Variants in SBNO2 observed in about 807,000 individuals in gnomAD.
The protein encoded by SBNO2 is strawberry notch homolog 2.
Under a neutral mutation model 146.3 loss-of-function variants are expected in SBNO2, and 89 were observed. The ratio of observed to expected loss-of-function variants is 0.61; its 90% CI spans 0.51 to 0.73. The LOEUF is 0.73. Among genes scored for constraint, SBNO2 ranks in the 30% least tolerant of loss-of-function variants. The pLI is 0.00. For synonymous variants in SBNO2, 1,147 were observed against 892.6 expected (o/e 1.29, Z -5.08); for missense variants, 2,092 against 2,003.7 (o/e 1.04, Z -0.84).
In SBNO2 at chr19:1,114,305, T is replaced by G. The variant is rs768214559; in HGVS notation, c.2003A>C (p.Asn668Thr). The change falls in exon 18 of 32, where the codon AAC becomes ACC. Residue 668 changes from asparagine (N) to threonine (T), a missense_variant. Physicochemically the swap from Asn to Thr is moderately conservative, Grantham distance 65. Transcript: ENST00000361757. ...ATCCACCAGGGACTCGGGGGAGGAGTTGAAGTCGCTGTCCAGGCCAGGGTC... is the reference window on the plus strand; with the variant it reads ...ATCCACCAGGGACTCGGGGGAGGAGGTGAAGTCGCTGTCCAGGCCAGGGTC... ...ESDPGLDSDF[N>T]SSPESLVDDD... 101 of 1,552,600 alleles carry G rather than the reference T, an allele frequency of 6.5e-5. No individual in the cohort carries two copies. The highest frequency in any genetic ancestry group is 8.6e-5 in the Non-Finnish European group (99 of 1,148,432).
chr19:1,112,640 T>A lies in SBNO2; in HGVS notation c.2380-103A>T. On this transcript the variant is annotated intron_variant, in intron 20 of 31. Transcript: ENST00000361757. This position sits in a 1 kb window ranked among gnomAD's most constrained non-coding sequence, Gnocchi z 5.9. ...GCCCCCGCTCCAGGTCACCAGGACGTCCCGGGGCAGCGAGAGGCCTGCGGG... is the reference window on the plus strand; with the variant it reads ...GCCCCCGCTCCAGGTCACCAGGACGACCCGGGGCAGCGAGAGGCCTGCGGG... 1 of 1,458,722 alleles carries A rather than the reference T, an allele frequency of 6.9e-7. No homozygotes were observed. Among genetic ancestry groups the A allele is most frequent in the East Asian group, 2.5e-5 (1 of 40,228 alleles). 90.4% of individuals were successfully genotyped at this position (1,458,722 alleles called of 1,614,324 possible).
intron 4 of SBNO2, among the ~76,000 whole-genome samples, chr19:1,143,997 G>A (rs2080163315): frequency 6.6e-6 from 1 of 152,244 alleles, no homozygotes; most frequent in Non-Finnish European, 1.5e-5. Context: ...TCTGAGTCGG[G>A]AGCAGAGGCT....
rs79829474 is a variant in SBNO2 at position 1,140,433 on chromosome 19, T to A, written c.279+6876A>T. Among the ~76,000 whole-genome samples the A allele has an allele frequency of 6.6e-6, 1 of 152,068 alleles. No homozygotes were observed. The highest frequency in any genetic ancestry group is 1.5e-5 in the Non-Finnish European group (1 of 68,018). On this transcript the variant is annotated intron_variant, in intron 4 of 31. Coordinates refer to ENST00000361757, the MANE Select transcript of SBNO2 (RefSeq NM_014963.3). The surrounding 1 kb of genome is among the most constrained non-coding windows in gnomAD (Gnocchi z 4.4). ...CACCCACCAGGGACATTGAGCCTGATGGCTTCGCGCCAACCTGGAGACGGA... is the reference window on the plus strand; with the variant it reads ...CACCCACCAGGGACATTGAGCCTGAAGGCTTCGCGCCAACCTGGAGACGGA...
rs1309655483 is a variant in SBNO2, at chr19:1,108,009, A to G, written c.*211T>C. ...CCTACTTGGGAGGAGAGGCACAGAG[A>G]GGGCCCTGCCACGCCCCGGCCCCCA... is the stretch of plus-strand genomic sequence containing the variant. On this transcript the variant is annotated 3_prime_UTR_variant, in exon 32 of 32. Transcript: ENST00000361757. The G allele has an allele frequency of 1.3e-5, 5 of 382,742 alleles. No individual in the cohort carries two copies. The highest frequency in any genetic ancestry group is 1.8e-5 in the Non-Finnish European group (4 of 217,484). The allele number at this position is 382,742 out of a possible 1,614,324, so 23.7% of individuals were successfully genotyped here. A position where few individuals can be genotyped will look rare whatever the true frequency, so the allele number is the denominator to read the frequency against.
chr19:1,161,537 G>T (rs111615321), intron 1 of SBNO2, among the ~76,000 whole-genome samples: 2 of 105,732 alleles, frequency 1.9e-5, no homozygotes, highest in Non-Finnish European at 4.0e-5. Flanking sequence ...TGAGCACTGG[G>T]GGGGTGGAAG....
chr19:1,117,290 C>A (rs764077971), intron 15 of SBNO2, 33 bp downstream of exon 15: 2 of 1,537,092 alleles, frequency 1.3e-6, no homozygotes, highest in Non-Finnish European at 1.8e-6. Flanking sequence ...CAGGCCCGGC[C>A]GCCCTCAGCC....
At chr19:1,132,175 C>A in intron 4 of SBNO2, 1 of 1,433,208 alleles carries the variant, frequency 7.0e-7, no homozygotes, top group Non-Finnish European at 9.1e-7. Flanking sequence ...CCAGGAAGCG[C>A]TGCCCGGGAG....
chr19:1,166,716 C>T (rs953762560), intron 1 of SBNO2, among the ~76,000 whole-genome samples: 1 of 152,168 alleles, frequency 6.6e-6, no homozygotes, highest in African/African-American at 2.4e-5. Context: ...CCCCTCTAAC[C>T]TACACGTCTT....
chr19:1,136,811 G>A lies in SBNO2; in HGVS notation c.280-9046C>T, dbSNP rs1364895167. The stretch of plus-strand genomic sequence containing the variant: ...GCCAGAGTTTGCAAAGCGCTTTTCT[G>A]AGCCGTGAGCTCATCCTGAGCTTCC... On this transcript the variant is annotated intron_variant, in intron 4 of 31. Coordinates refer to ENST00000361757, the MANE Select transcript of SBNO2 (RefSeq NM_014963.3). This position sits in a 1 kb window ranked among gnomAD's most constrained non-coding sequence, Gnocchi z 4.2. 6.6e-6 allele frequency among the ~76,000 whole-genome samples: 1 copy of A among 152,136 alleles called. No individual in the cohort carries two copies. The highest frequency in any genetic ancestry group is 1.9e-4 in the East Asian group (1 of 5,170).
Position 1,109,983 on chromosome 19 carries a change from C to T in SBNO2, c.3029-206G>A, listed in dbSNP as rs1162446103. 3.3e-5 allele frequency among the ~76,000 whole-genome samples: 5 copies of T among 151,732 alleles called. No homozygotes were observed. Among genetic ancestry groups the T allele is most frequent in the Non-Finnish European group, 5.9e-5 (4 of 67,944 alleles). ...CAACCGCTCAGGTCCTAGGTAACCC[C>T]GAGCAGGCTGTGGGGGATCGTGGGA... On this transcript the variant is annotated intron_variant, in intron 26 of 31. Transcript: ENST00000361757. This position sits in a 1 kb window ranked among gnomAD's most constrained non-coding sequence, Gnocchi z 4.2.
chr19:1,114,224 C>A lies in SBNO2; in HGVS notation c.2077+7G>T. ...CAGGTGGCTGGCCAGCCTGGGCAAG[C>A]CCTCACCCCGGTCGTCACTGGGGAG... On this transcript the variant is annotated splice_region_variant and intron_variant, in intron 18 of 31. Transcript: ENST00000361757. The A allele has an allele frequency of 6.8e-7, 1 of 1,466,498 alleles. No individual in the cohort carries two copies. The highest frequency in any genetic ancestry group is 9.1e-7 in the Non-Finnish European group (1 of 1,099,816). The allele number at this position is 1,466,498 out of a possible 1,614,324, so 90.8% of individuals were successfully genotyped here.
At chr19:1,119,710 G>A in intron 12 of SBNO2, 89 bp from the exon 13 acceptor site, 3 of 1,170,134 alleles carry the variant, frequency 2.6e-6, no homozygotes, top group South Asian at 1.3e-5. Flanking sequence ...ACCCGACGAG[G>A]GGCCCTGCGG....
chr19:1,122,239 G>A lies in SBNO2; in HGVS notation c.1049C>T (p.Ala350Val). ...CTCCCCAATCAGGGCGGAGTAGGTG[G>A]CGAAGAGGACGCCCTCTGAGGTAGT... ...DTTTSEGVLF[A>V]TYSALIGESQ... The change falls in exon 11 of 32, where the codon GCC becomes GTC. Residue 350 changes from alanine to valine, a missense_variant. Ala to Val is a moderately conservative substitution (Grantham distance 64). Coordinates refer to ENST00000361757, the MANE Select transcript of SBNO2 (RefSeq NM_014963.3). 6.3e-7 allele frequency: 1 copy of A among 1,580,894 alleles called. No homozygotes were observed. The highest frequency in any genetic ancestry group is 1.8e-5 in the Admixed American group (1 of 55,500).
intron 17 of SBNO2, among the ~76,000 whole-genome samples, chr19:1,115,169 A>AT (rs2079816157): frequency 6.6e-6 from 1 of 151,948 alleles, no homozygotes; most frequent in African/African-American, 2.4e-5. Flanking sequence ...GCCTCAGGTG[A>AT]TTTGCCCGCC....
At position 1,126,461 on chromosome 19, in the gene SBNO2, C is replaced by T. The variant is rs902576082; in HGVS notation, c.441+1143G>A. On this transcript the variant is annotated intron_variant, in intron 5 of 31. Transcript: ENST00000361757. The surrounding 1 kb of genome is among the most constrained non-coding windows in gnomAD (Gnocchi z 4.4). Reference sequence around the variant, plus strand: ...GACCTGGGAGCTAGCTGGGAGGGCACGGGCCCCGGGCTGGGTGAAATGCTC... The same window carrying T: ...GACCTGGGAGCTAGCTGGGAGGGCATGGGCCCCGGGCTGGGTGAAATGCTC... Among the ~76,000 whole-genome samples the T allele has an allele frequency of 6.6e-6, 1 of 152,124 alleles. No homozygotes were observed. The highest frequency in any genetic ancestry group is 2.4e-5 in the African/African-American group (1 of 41,428).
At chr19:1,111,956 G>A in intron 23 of SBNO2, 40 bp downstream of exon 23, 3 of 1,479,890 alleles carry the variant, frequency 2.0e-6, no homozygotes, top group Non-Finnish European at 2.8e-6. Flanking sequence ...CTAGACCCCT[G>A]CCCCTGCCCC....
Position 1,119,986 on chromosome 19 carries a change from C to T in SBNO2, c.1187G>A (p.Gly396Asp). The T allele has an allele frequency of 6.4e-7, 1 of 1,551,292 alleles. No homozygotes were observed. The highest frequency in any genetic ancestry group is 1.4e-5 in the African/African-American group (1 of 73,118). Residue 396 changes from glycine to aspartate, a missense_variant, in exon 12 of 32, where the codon GGC (glycine) becomes GAC (aspartate). By Grantham distance (94) the Gly-to-Asp change is moderately conservative (BLOSUM62 -1). Coordinates refer to ENST00000361757, the MANE Select transcript of SBNO2 (RefSeq NM_014963.3). ...FDECHKAKNA[G>D]STKMGKAVLD... ...CACAGCCTTGCCCATCTTGGTGGAG[C>T]CGGCATTCTTGGCTTTGTGACACTC...
In SBNO2 at chr19:1,149,407, G is replaced by A. The variant is rs184544671; in HGVS notation, c.129C>T (p.Phe43=). The A allele has an allele frequency of 6.4e-4, 993 of 1,552,360 alleles. 4 individuals are homozygous for A. The Middle Eastern group carries it at 9.5e-3, about 15-fold the overall frequency. Residue 43 remains phenylalanine (F), a synonymous_variant, in exon 3 of 32, where the codon TTC becomes TTT. Coordinates refer to ENST00000361757, the MANE Select transcript of SBNO2 (RefSeq NM_014963.3). ...AMLHCPYWNT[F]SLPPYPAFSS... is the part of the protein sequence containing the mutation. ...AGAAGGCAGGGTATGGCGGCAGCGA[G>A]AAGGTGTTCCAGTAGGGGCAGTGCA...
rs182911008 is a variant in SBNO2, at chr19:1,165,065, C to T, written c.-127+9107G>A. Among the ~76,000 whole-genome samples, 206 of 152,080 alleles carry T rather than the reference C, an allele frequency of 1.4e-3. 7 individuals carry two copies. The highest frequency in any genetic ancestry group is 0.013 in the Admixed American group (201 of 15,292). On this transcript the variant is annotated intron_variant, in intron 1 of 31. Transcript: ENST00000361757. ...CAAGACTCCACTGCCCTGAAGCAAA[C>T]AAGGCGTCCAGCCCGAGCCAGGGTC...
Sources: allele counts gnomAD v4.1 joint callset (sites outside exome capture counted in the v4.1 genomes callset), GRCh38; gene constraint gnomAD v4.1.1; non-coding constraint Gnocchi (gnomAD v3.1); transcripts MANE v1.5; gene names NCBI Gene and HGNC (gene_info 2026-07-23, HGNC 2026-07-21).